Variants in HMGCLL1 observed in about 807,000 individuals in gnomAD.
HMGCLL1 encodes the protein 3-hydroxymethyl-3-methylglutaryl-CoA lyase, cytoplasmic.
HMGCLL1 carries 36 observed loss-of-function variants against 39.1 expected under a neutral mutation model. That is an observed-to-expected ratio of 0.92 (90% confidence interval 0.71 to 1.22). The LOEUF (loss-of-function observed/expected upper bound fraction) is 1.22, where lower values mean the gene tolerates loss of function less well. HMGCLL1 is among the 50% of genes most tolerant of loss of function. HMGCLL1 has a pLI of 0.00. For missense variants in HMGCLL1, 451 were observed against 416.5 expected (o/e 1.08, Z -0.72); for synonymous variants, 149 against 144.0 (o/e 1.03, Z -0.25).
At chr6:55,439,786 G>A in intron 7 of HMGCLL1, 1 of 384,102 alleles carries the variant, frequency 2.6e-6, no homozygotes, top group South Asian at 8.2e-5. Context: ...TCTGGAGCTA[G>A]AATAATCTTT....
chr6:55,439,559 T>C lies in HMGCLL1; in HGVS notation c.796A>G (p.Met266Val), dbSNP rs374968414. The change falls in exon 8 of 9, where the codon ATG becomes GTG. Residue 266 changes from methionine (M) to valine (V), a missense_variant and splice_region_variant. Coordinates refer to ENST00000274901, the MANE Select transcript of HMGCLL1 (RefSeq NM_001042406.2). ...ALANILTALQ[M>V]GINVVDSAVS... is the part of the protein sequence containing the mutation. Reference sequence around the variant, plus strand: ...GCGGAGTCCACCACATTAATTCCCATCTGGAAAACAAACCAAACCACCTAA... The same window carrying C: ...GCGGAGTCCACCACATTAATTCCCACCTGGAAAACAAACCAAACCACCTAA... The C allele has an allele frequency of 6.2e-7, 1 of 1,611,492 alleles. No homozygotes were observed. Among genetic ancestry groups the C allele is most frequent in the South Asian group, 1.1e-5 (1 of 90,732 alleles).
At chr6:55,496,162 G>T (rs1286892270) in intron 6 of HMGCLL1, among the ~76,000 whole-genome samples, 4 of 151,050 alleles carry the variant, frequency 2.6e-5, no homozygotes, top group Non-Finnish European at 4.4e-5. Flanking sequence ...ATTTTTTTTC[G>T]GAGATTTTCA....
the HMGCLL1 span, among the ~76,000 whole-genome samples, chr6:55,643,721 G>A: frequency 6.6e-6 from 1 of 151,800 alleles, no homozygotes; most frequent in African/African-American, 2.4e-5. Context: ...TTGTCTTTCT[G>A]TGCCTGGCTT....
intron 7 of HMGCLL1, among the ~76,000 whole-genome samples, chr6:55,492,072 T>C (rs938678846): frequency 2.1e-4 from 32 of 152,286 alleles, no homozygotes; most frequent in Middle Eastern, 3.4e-3. Context: ...TTTCCACTTA[T>C]TACATGTCTC....
intron 7 of HMGCLL1, among the ~76,000 whole-genome samples, chr6:55,475,563 C>T (rs952808357): frequency 2.6e-5 from 4 of 151,494 alleles, no homozygotes; most frequent in African/African-American, 4.8e-5. Context: ...CTTGTCCATG[C>T]CGTAAAAATA....
At chr6:55,499,086 A>C (rs1049334960) in intron 6 of HMGCLL1, 150 bp downstream of exon 6, 2 of 549,906 alleles carry the variant, frequency 3.6e-6, no homozygotes, top group East Asian at 6.1e-5. Flanking sequence ...AAATGAAACT[A>C]TTAGTTAAGT....
intron 1 of HMGCLL1, among the ~76,000 whole-genome samples, chr6:55,554,813 G>C (rs1770563285): frequency 1.3e-5 from 2 of 152,080 alleles, no homozygotes; most frequent in Admixed American, 1.3e-4. Flanking sequence ...TTCTCCCACA[G>C]ACTTCCTGTT....
At chr6:55,648,226 A>G in the HMGCLL1 span, among the ~76,000 whole-genome samples, 19 of 150,062 alleles carry the variant, frequency 1.3e-4, no homozygotes, top group African/African-American at 4.7e-4. Context: ...GCCGCAATAA[A>G]CATACGTGTG....
intron 3 of HMGCLL1, among the ~76,000 whole-genome samples, chr6:55,522,372 C>G (rs965544343): frequency 5.9e-5 from 9 of 152,058 alleles, no homozygotes; most frequent in African/African-American, 2.2e-4. Context: ...AAATACCTAT[C>G]ACCCTTTACT....
chr6:55,560,444 G>A (rs1432822181), intron 1 of HMGCLL1, among the ~76,000 whole-genome samples: 4 of 152,098 alleles, frequency 2.6e-5, no homozygotes, highest in African/African-American at 9.7e-5. Flanking sequence ...ATACCTATAA[G>A]CTGTTCTGTC....
At chr6:55,647,634 G>A in the HMGCLL1 span, among the ~76,000 whole-genome samples, 1 of 149,964 alleles carries the variant, frequency 6.7e-6, no homozygotes, top group South Asian at 2.1e-4. Context: ...TGATAACACT[G>A]ACTGCATAAA....
intron 3 of HMGCLL1, among the ~76,000 whole-genome samples, chr6:55,526,701 C>A (rs1768341447): frequency 6.6e-6 from 1 of 151,994 alleles, no homozygotes. Flanking sequence ...TGCTGAGTTA[C>A]ATGTTAAACC....
chr6:55,522,018 A>G (rs539071330), intron 3 of HMGCLL1, among the ~76,000 whole-genome samples: 97 of 152,142 alleles, frequency 6.4e-4, no homozygotes, highest in African/African-American at 2.1e-3. Flanking sequence ...TATTGCTGAA[A>G]CGGAGAAAGT....
chr6:55,589,354 G>C, the HMGCLL1 span, among the ~76,000 whole-genome samples: 64,179 of 151,792 alleles, frequency 0.42, 14,421 homozygotes, highest in East Asian at 0.6. Context: ...ATTCAACAAC[G>C]CTTCATGCTA....
In HMGCLL1 at chr6:55,541,709, G is replaced by A. The variant is rs1458714754; in HGVS notation, c.297+20C>T. 8.0e-7 allele frequency: 1 copy of A among 1,254,252 alleles called. No individual in the cohort carries two copies. Among genetic ancestry groups the A allele is most frequent in the Non-Finnish European group, 1.1e-6 (1 of 880,538 alleles). The allele number at this position is 1,254,252 out of a possible 1,614,324, so 77.7% of individuals were successfully genotyped here. A position where few individuals can be genotyped will look rare whatever the true frequency, so the allele number is the denominator to read the frequency against. On this transcript the variant is annotated intron_variant, in intron 3 of 8. Coordinates refer to ENST00000274901, the MANE Select transcript of HMGCLL1 (RefSeq NM_001042406.2). ...TGAAGTTGAATTAGGATCTAATTAA[G>A]AAATTGTGGGTTTACATACCTGTGG...
chr6:55,590,036 G>A, the HMGCLL1 span, among the ~76,000 whole-genome samples: 93 of 152,044 alleles, frequency 6.1e-4, 1 homozygote, highest in Admixed American at 6.1e-3. Context: ...TTTCTTCACA[G>A]AATTGAAAAA....
the HMGCLL1 span, among the ~76,000 whole-genome samples, chr6:55,618,321 T>A: frequency 6.6e-6 from 1 of 151,738 alleles, no homozygotes; most frequent in African/African-American, 2.4e-5. Context: ...TATGTTGTAG[T>A]TCACCAAAAA....
the HMGCLL1 span, among the ~76,000 whole-genome samples, chr6:55,673,268 A>G: frequency 6.6e-6 from 1 of 151,982 alleles, no homozygotes; most frequent in East Asian, 1.9e-4. Context: ...TACTTAGCCT[A>G]TTGGTATTGT....
chr6:55,439,324 CA>C, intron 8 of HMGCLL1, 109 bp downstream of exon 8: 1 of 1,097,624 alleles, frequency 9.1e-7, no homozygotes. Context: ...TAGCAAATAG[CA>C]AAAGTGTAGT....
Sources: gnomAD v4.1 joint callset for allele counts (sites outside exome capture counted in the v4.1 genomes callset) on GRCh38, gnomAD v4.1.1 for gene constraint, MANE v1.5 for transcripts, NCBI Gene and HGNC (gene_info 2026-07-23, HGNC 2026-07-21) for gene names.